Variants in GRIK2 observed in about 807,000 individuals in gnomAD.
GRIK2 encodes the protein glutamate ionotropic receptor kainate type subunit 2.
A neutral mutation model predicts 100.3 loss-of-function variants in GRIK2; 32 were observed. That is an observed-to-expected ratio of 0.32 (90% CI 0.24 to 0.43). The LOEUF (loss-of-function observed/expected upper bound fraction) is 0.43, where lower values mean the gene tolerates loss of function less well. GRIK2 is among the 20% of genes least tolerant of loss of function. The pLI, the probability that GRIK2 is intolerant of heterozygous loss-of-function variation, is 1.00. For synonymous variants in GRIK2, 417 were observed against 389.4 expected, an observed-to-expected ratio of 1.07 and a Z score of -0.83; for missense variants, 843 against 1,114.9, an observed-to-expected ratio of 0.76 and a Z score of 3.47.
intron 2 of GRIK2, chr6:101,431,593 C>T (rs1769401150): frequency 6.6e-6 from 1 of 152,136 alleles, no homozygotes. Flanking sequence ...AAGGTGTTAC[C>T]TGATGTGTGT....
chr6:102,034,545 T>A (rs981496082), intron 14 of GRIK2, among the ~76,000 whole-genome samples: 2 of 151,362 alleles, frequency 1.3e-5, no homozygotes, highest in Non-Finnish European at 3.0e-5. Context: ...GATGCTAACG[T>A]TTTTCCTGTT....
intron 2 of GRIK2, among the ~76,000 whole-genome samples, chr6:101,479,363 T>G (rs1376813218): frequency 6.6e-6 from 1 of 152,158 alleles, no homozygotes; most frequent in Non-Finnish European, 1.5e-5. Flanking sequence ...AGGGAGAATT[T>G]TTTTACTTAT....
At chr6:101,911,810 A>G (rs2518275) in intron 12 of GRIK2, among the ~76,000 whole-genome samples, 128,972 of 150,794 alleles carry the variant, frequency 0.86, 55,312 homozygotes, top group East Asian at 0.94. Context: ...GAAGTGACTC[A>G]TCTTATTACA....
intron 14 of GRIK2, among the ~76,000 whole-genome samples, chr6:102,002,723 T>A (rs1368693844): frequency 6.6e-6 from 1 of 150,818 alleles, no homozygotes; most frequent in Non-Finnish European, 1.5e-5. Context: ...CCTTCATAAT[T>A]ATTCAGTCAC....
At chr6:101,628,328 C>T (rs974833823) in intron 4 of GRIK2, among the ~76,000 whole-genome samples, 1 of 151,686 alleles carries the variant, frequency 6.6e-6, no homozygotes, top group Admixed American at 6.6e-5. Context: ...GAGTGAAATG[C>T]ATCTAGATAC....
chr6:101,970,182 C>T (rs1165283326), intron 14 of GRIK2, among the ~76,000 whole-genome samples: 1 of 151,042 alleles, frequency 6.6e-6, no homozygotes, highest in Non-Finnish European at 1.5e-5. Context: ...TCAATCAAAT[C>T]TAATGCCAAA....
intron 7 of GRIK2, among the ~76,000 whole-genome samples, chr6:101,769,437 C>G (rs1463904199): frequency 1.3e-5 from 2 of 152,076 alleles, no homozygotes; most frequent in African/African-American, 4.8e-5. Flanking sequence ...GAAATATTAT[C>G]TGATGCTGTG....
chr6:101,819,007 C>T (rs1009554264), intron 10 of GRIK2, among the ~76,000 whole-genome samples: 1 of 151,952 alleles, frequency 6.6e-6, no homozygotes, highest in African/African-American at 2.4e-5. Context: ...ATGGCAAGTG[C>T]TTTTTAAAGC....
chr6:101,494,523 T>C (rs1773320836), intron 2 of GRIK2, among the ~76,000 whole-genome samples: 1 of 152,066 alleles, frequency 6.6e-6, no homozygotes, highest in South Asian at 2.1e-4. Flanking sequence ...CTGATTATAT[T>C]ATTTATAAAA....
At chr6:101,957,496 ATTTAT>A (rs1352478371) in intron 14 of GRIK2, among the ~76,000 whole-genome samples, 2 of 150,928 alleles carry the variant, frequency 1.3e-5, no homozygotes, top group Non-Finnish European at 3.0e-5. Context: ...TTATTTATTT[ATTTAT>A]TTTTTACTGT....
At chr6:101,886,345 T>G (rs1328243811) in intron 11 of GRIK2, among the ~76,000 whole-genome samples, 1 of 152,122 alleles carries the variant, frequency 6.6e-6, no homozygotes, top group Non-Finnish European at 1.5e-5. Context: ...ATATTAAACT[T>G]TTAATGAAAT....
chr6:101,491,860 A>G (rs1356477167), intron 2 of GRIK2, among the ~76,000 whole-genome samples: 1 of 151,842 alleles, frequency 6.6e-6, no homozygotes, highest in Non-Finnish European at 1.5e-5. Flanking sequence ...GGGTTCTATC[A>G]TAGTTTGCAT....
chr6:101,636,920 T>C (rs1781048433), intron 4 of GRIK2, among the ~76,000 whole-genome samples: 1 of 152,118 alleles, frequency 6.6e-6, no homozygotes, highest in East Asian at 1.9e-4. Flanking sequence ...TCTTCCTTTC[T>C]ATGTGGTGAA....
At chr6:101,437,393 T>C (rs1369660856) in intron 2 of GRIK2, among the ~76,000 whole-genome samples, 3 of 152,116 alleles carry the variant, frequency 2.0e-5, no homozygotes, top group Admixed American at 2.0e-4. Flanking sequence ...CTAATGTACC[T>C]CACAACTGCC....
At position 101,482,990 on chromosome 6, in the gene GRIK2, T is replaced by C. The variant is rs567202863; in HGVS notation, c.115+83598T>C. On this transcript the variant is annotated intron_variant, in intron 2 of 16. Coordinates refer to ENST00000369134, the MANE Select transcript of GRIK2 (RefSeq NM_021956.5). Reference sequence around the variant, plus strand: ...TAGTATTAATAAACAATTATTTACATCCAACGTGTAATTATTTGTATTCAA... The same window carrying C: ...TAGTATTAATAAACAATTATTTACACCCAACGTGTAATTATTTGTATTCAA... 4.6e-5 allele frequency among the ~76,000 whole-genome samples: 7 copies of C among 152,338 alleles called. No homozygotes were observed. In the South Asian group the frequency reaches 1.4e-3, roughly 32 times the overall value.
At chr6:101,859,246 G>A in intron 10 of GRIK2, 41 bp from the exon 11 acceptor site, 1 of 1,052,138 alleles carries the variant, frequency 9.5e-7, no homozygotes, top group Non-Finnish European at 1.5e-6. Context: ...TGAGTTTCAT[G>A]ATTAACTGTT....
intron 2 of GRIK2, among the ~76,000 whole-genome samples, chr6:101,514,053 T>C (rs1037336273): frequency 4.6e-5 from 7 of 151,986 alleles, no homozygotes; most frequent in African/African-American, 9.7e-5. Flanking sequence ...ATAAACAATT[T>C]TATGAATGAA....
At chr6:101,435,896 C>G (rs995550683) in intron 2 of GRIK2, among the ~76,000 whole-genome samples, 2 of 152,124 alleles carry the variant, frequency 1.3e-5, no homozygotes, top group African/African-American at 4.8e-5. Flanking sequence ...TCTTTACATA[C>G]ATAGACAGGT....
intron 7 of GRIK2, among the ~76,000 whole-genome samples, chr6:101,692,085 A>C (rs1471665159): frequency 6.6e-6 from 1 of 151,100 alleles, no homozygotes; most frequent in East Asian, 1.9e-4. Context: ...AAATAGAACC[A>C]TAGAGAAATA....
Sources: gnomAD v4.1 joint callset for allele counts (sites outside exome capture counted in the v4.1 genomes callset) on GRCh38, gnomAD v4.1.1 for gene constraint, MANE v1.5 for transcripts, NCBI Gene and HGNC (gene_info 2026-07-23, HGNC 2026-07-21) for gene names.